PCDH11X: variants seen among roughly 807,000 people sequenced by gnomAD.
PCDH11X encodes the protein protocadherin 11 X-linked.
A neutral mutation model predicts 53.3 loss-of-function variants in PCDH11X; 18 were observed. That is an observed-to-expected ratio of 0.34 (90% CI 0.23 to 0.50). The LOEUF is 0.50. PCDH11X is among the 20% of genes least tolerant of loss of function. The pLI, the probability that PCDH11X is intolerant of heterozygous loss-of-function variation, is 0.98. For missense variants in PCDH11X, 570 were observed against 1,032.4 expected (o/e 0.55, Z 6.14); for synonymous variants, 279 against 393.3 (o/e 0.71, Z 3.44).
chrX:92,499,194 A>G (rs2073913321), intron 10 of PCDH11X, among the ~76,000 whole-genome samples: 1 of 106,860 alleles, frequency 9.4e-6, no homozygotes, highest in Admixed American at 1.0e-4. Flanking sequence ...AAATCAGAAT[A>G]TAGAAGTTCT....
chrX:92,053,718 C>T (rs2063399913), intron 6 of PCDH11X, among the ~76,000 whole-genome samples: 1 of 108,730 alleles, frequency 9.2e-6, no homozygotes, highest in African/African-American at 3.4e-5. Flanking sequence ...TTACAGGCAC[C>T]CACCACCACA....
intron 9 of PCDH11X, among the ~76,000 whole-genome samples, chrX:92,453,295 T>C (rs940781229): frequency 9.0e-5 from 10 of 110,587 alleles, no homozygotes; most frequent in Admixed American, 6.8e-4. Context: ...GACAACCATA[T>C]AGAAACTCAT....
At chrX:92,101,646 G>A (rs2064254571) in intron 6 of PCDH11X, among the ~76,000 whole-genome samples, 1 of 110,241 alleles carries the variant, frequency 9.1e-6, no homozygotes. Context: ...AAATGACTGC[G>A]GAGGCCTTCT....
chrX:92,403,339 G>GTTTTTTTTTTTTTTTTTTTTTT (rs1191277649), intron 9 of PCDH11X, among the ~76,000 whole-genome samples: 16 of 49,354 alleles, frequency 3.2e-4, no homozygotes, highest in South Asian at 1.7e-3. Context: ...GTTTTTTTTT[G>GTTTTTTTTTTTTTTTTTTTTTT]TTTTTTTTTT....
At chrX:91,969,920 G>C (rs1191487841) in intron 6 of PCDH11X, among the ~76,000 whole-genome samples, 1 of 110,848 alleles carries the variant, frequency 9.0e-6, no homozygotes, top group Non-Finnish European at 1.9e-5. Context: ...ATGTGACTTG[G>C]GTAATTTATT....
intron 8 of PCDH11X, among the ~76,000 whole-genome samples, chrX:92,328,455 G>A (rs951137552): frequency 6.3e-5 from 7 of 110,889 alleles, no homozygotes; most frequent in African/African-American, 2.3e-4. Context: ...AAGTTAGAGC[G>A]TGAATCAATG....
At chrX:92,265,668 T>C (rs886798576) in intron 8 of PCDH11X, among the ~76,000 whole-genome samples, 1 of 110,979 alleles carries the variant, frequency 9.0e-6, no homozygotes, top group Non-Finnish European at 1.9e-5. Context: ...ACAATAATCC[T>C]GTAGGCTATT....
intron 8 of PCDH11X, among the ~76,000 whole-genome samples, chrX:92,327,059 A>T (rs1184677531): frequency 1.2e-4 from 13 of 109,060 alleles, no homozygotes; most frequent in Non-Finnish European, 2.1e-4. Context: ...CCATATCTTA[A>T]GGAACTCACT....
intron 10 of PCDH11X, among the ~76,000 whole-genome samples, chrX:92,571,245 A>G (rs1050905764): frequency 1.4e-4 from 15 of 110,997 alleles, no homozygotes; most frequent in Non-Finnish European, 2.3e-4. Flanking sequence ...CCATTTATGT[A>G]TTATAAGGAG....
rs865784803 is a variant in PCDH11X, at chrX:92,152,763, G to A, written c.3034-48612G>A. 9.5e-4 allele frequency among the ~76,000 whole-genome samples: 81 copies of A among 85,261 alleles called. No individual in the cohort carries two copies. In the Middle Eastern group the frequency reaches 0.021, roughly 22 times the overall value. 74.0% of individuals were successfully genotyped at this position (85,261 alleles called of 115,157 possible). On this transcript the variant is annotated intron_variant, in intron 6 of 10. Transcript: ENST00000682573. The stretch of plus-strand genomic sequence containing the variant: ...CTATATTTTTATTTTATGTATGTAT[G>A]TATGTATGTATGTATGTATGTATGT...
chrX:92,114,196 G>A (rs1207786360), intron 6 of PCDH11X: 17 of 1,105,177 alleles, frequency 1.5e-5, no homozygotes, highest in East Asian at 9.0e-5. Flanking sequence ...CTGCAGAATC[G>A]ATATGGCAAA....
intron 6 of PCDH11X, among the ~76,000 whole-genome samples, chrX:91,896,073 A>C (rs1031654480): frequency 9.3e-6 from 1 of 106,971 alleles, no homozygotes; most frequent in Non-Finnish European, 1.9e-5. Context: ...TTCTTCTAAT[A>C]GGAACAAATT....
intron 6 of PCDH11X, among the ~76,000 whole-genome samples, chrX:91,988,905 A>G: frequency 9.0e-6 from 1 of 111,541 alleles, no homozygotes; most frequent in Non-Finnish European, 1.9e-5. Context: ...CCAAGAATTC[A>G]CTTCTTGATT....
chrX:92,028,715 T>G (rs780908679), intron 6 of PCDH11X, among the ~76,000 whole-genome samples: 13 of 91,899 alleles, frequency 1.4e-4, no homozygotes, highest in Admixed American at 1.4e-3. Flanking sequence ...GAATTGCCAT[T>G]TATAAGTGAT....
At chrX:91,939,479 CTCA>C (rs922592300) in intron 6 of PCDH11X, among the ~76,000 whole-genome samples, 1 of 109,755 alleles carries the variant, frequency 9.1e-6, no homozygotes, top group African/African-American at 3.3e-5. Context: ...CGACTCTGAA[CTCA>C]TCAAGTCAAG....
rs181080630 is a variant in PCDH11X at position 92,368,953 on chromosome X, C to T, written c.3145-18782C>T. On this transcript the variant is annotated intron_variant, in intron 8 of 10. Transcript: ENST00000682573. The stretch of plus-strand genomic sequence containing the variant: ...TCTGTCAACCCCTATTGGGAGGTCT[C>T]TCCCAGTCAGGAGGCACTGGGGTCA... 3.6e-3 allele frequency among the ~76,000 whole-genome samples: 376 copies of T among 105,534 alleles called. 4 individuals carry two copies. Among genetic ancestry groups the T allele is most frequent in the Non-Finnish European group, 5.5e-3 (283 of 51,053 alleles). 91.6% of individuals were successfully genotyped at this position (105,534 alleles called of 115,157 possible).
At chrX:92,429,177 T>C (rs907075770) in intron 9 of PCDH11X, among the ~76,000 whole-genome samples, 1 of 111,698 alleles carries the variant, frequency 9.0e-6, no homozygotes, top group Non-Finnish European at 1.9e-5. Flanking sequence ...TTTCCCCTTC[T>C]ACCTGTATCA....
At chrX:92,553,516 C>T (rs2148753418) in intron 10 of PCDH11X, among the ~76,000 whole-genome samples, 1 of 108,721 alleles carries the variant, frequency 9.2e-6, no homozygotes, top group East Asian at 2.9e-4. Context: ...TTAACTTTCC[C>T]AAAAACCAAC....
chrX:92,518,748 A>ATTTT (rs762759156), intron 10 of PCDH11X, among the ~76,000 whole-genome samples: 2 of 59,440 alleles, frequency 3.4e-5, no homozygotes, highest in Non-Finnish European at 5.8e-5. Context: ...TACCAATAAA[A>ATTTT]TTTTTTTTTT....
Sources: allele counts gnomAD v4.1 joint callset (sites outside exome capture counted in the v4.1 genomes callset), GRCh38; gene constraint gnomAD v4.1.1; transcripts MANE v1.5; gene names NCBI Gene and HGNC (gene_info 2026-07-23, HGNC 2026-07-21).